IGF1R: variants seen among roughly 807,000 people sequenced by gnomAD.
IGF1R encodes the protein insulin like growth factor 1 receptor.
A neutral mutation model predicts 144.6 loss-of-function variants in IGF1R; 44 were observed. That is an observed-to-expected ratio of 0.30 (90% CI 0.24 to 0.39). The LOEUF (loss-of-function observed/expected upper bound fraction) is 0.39, where lower values mean the gene tolerates loss of function less well. Among genes scored for constraint, IGF1R ranks in the 10% least tolerant of loss-of-function variants. The pLI, the probability that IGF1R is intolerant of heterozygous loss-of-function variation, is 1.00. For synonymous variants in IGF1R, 795 were observed against 722.8 expected (o/e 1.10, Z -1.60); for missense variants, 1,355 against 1,833.7 (o/e 0.74, Z 4.77).
chr15:98,695,728 C>G (rs2053580282), intron 1 of IGF1R, among the ~76,000 whole-genome samples: 1 of 152,216 alleles, frequency 6.6e-6, no homozygotes, highest in Non-Finnish European at 1.5e-5. Flanking sequence ...ATCCTACTGT[C>G]TGTTCTTATA....
chr15:98,845,847 A>G (rs1446333691), intron 2 of IGF1R, among the ~76,000 whole-genome samples: 4 of 152,144 alleles, frequency 2.6e-5, no homozygotes, highest in Non-Finnish European at 4.4e-5. Context: ...TAGTAGATGC[A>G]GTGAATCTTA....
At chr15:98,895,249 C>T (rs868277355) in intron 3 of IGF1R, among the ~76,000 whole-genome samples, 1 of 97,226 alleles carries the variant, frequency 1.0e-5, no homozygotes, top group Non-Finnish European at 2.8e-5. Context: ...CACACACACA[C>T]ACACACACAC....
intron 1 of IGF1R, among the ~76,000 whole-genome samples, chr15:98,650,035 C>T (rs984999407): frequency 1.3e-5 from 2 of 152,076 alleles, no homozygotes; most frequent in African/African-American, 4.8e-5. Flanking sequence ...CACCTCGCCC[C>T]TTCCATGCGC....
chr15:98,814,628 G>A (rs1341877595), intron 2 of IGF1R, among the ~76,000 whole-genome samples: 1 of 152,208 alleles, frequency 6.6e-6, no homozygotes, highest in Non-Finnish European at 1.5e-5. Context: ...GATTACACGT[G>A]TGAGCCACTG....
At position 98,677,058 on chromosome 15, in the gene IGF1R, C is replaced by T. The variant is rs2053065578; in HGVS notation, c.94+27383C>T. ...TCAAGTAATCCTCCACCTCAGCCTC[C>T]TGAGTAGCTGGGACTACTGGTATGC... is the stretch of plus-strand genomic sequence containing the variant. On this transcript the variant is annotated intron_variant, in intron 1 of 20. Transcript: ENST00000650285. Among the ~76,000 whole-genome samples, 3 of 152,158 alleles carry T rather than the reference C, an allele frequency of 2.0e-5. No individual in the cohort carries two copies. In the South Asian group the frequency reaches 6.2e-4, roughly 32 times the overall value.
intron 1 of IGF1R, among the ~76,000 whole-genome samples, chr15:98,684,952 TAAA>T (rs1567074765): frequency 1.4e-4 from 12 of 88,174 alleles, no homozygotes; most frequent in African/African-American, 2.0e-4. Flanking sequence ...TTTTTTTTTT[TAAA>T]TTTTTGAGAT....
chr15:98,918,730 T>C (rs897705661), intron 10 of IGF1R, among the ~76,000 whole-genome samples: 3 of 152,048 alleles, frequency 2.0e-5, no homozygotes, highest in African/African-American at 7.2e-5. Context: ...ATACAAAAAA[T>C]TAGCCAAGCG....
chr15:98,799,482 C>G (rs1265743026), intron 2 of IGF1R, among the ~76,000 whole-genome samples: 1 of 152,090 alleles, frequency 6.6e-6, no homozygotes, highest in African/African-American at 2.4e-5. Flanking sequence ...TTATTTTGCT[C>G]TCAGCTTGCT....
chr15:98,906,690 C>T (rs1370259037), intron 5 of IGF1R, among the ~76,000 whole-genome samples: 1 of 152,240 alleles, frequency 6.6e-6, no homozygotes, highest in Non-Finnish European at 1.5e-5. Flanking sequence ...ATCATTTGGA[C>T]AATGTCTTAT....
At chr15:98,845,584 T>C (rs926155244) in intron 2 of IGF1R, among the ~76,000 whole-genome samples, 15 of 145,996 alleles carry the variant, frequency 1.0e-4, no homozygotes, top group Non-Finnish European at 2.1e-4. Context: ...CTTCTCTCTC[T>C]TCTTTCTCTC....
At position 98,667,318 on chromosome 15, in the gene IGF1R, G is replaced by T. The variant is rs182608787; in HGVS notation, c.94+17643G>T. Among the ~76,000 whole-genome samples, 4 of 152,238 alleles carry T rather than the reference G, an allele frequency of 2.6e-5. No individual in the cohort carries two copies. In the East Asian group the frequency reaches 7.7e-4, roughly 29 times the overall value. On this transcript the variant is annotated intron_variant, in intron 1 of 20. Coordinates refer to ENST00000650285, the MANE Select transcript of IGF1R (RefSeq NM_000875.5). ...CTCACTGATTATGATTATACTGGAAGTTTTTCATTTGTTTTGACAGCTCAA... is the reference window on the plus strand; with the variant it reads ...CTCACTGATTATGATTATACTGGAATTTTTTCATTTGTTTTGACAGCTCAA...
chr15:98,930,139 G>A, intron 14 of IGF1R, 96 bp from the exon 15 acceptor site: 1 of 852,746 alleles, frequency 1.2e-6, no homozygotes, highest in South Asian at 1.4e-5. Context: ...TACCGTGTGA[G>A]AGAGGATAAA....
At chr15:98,825,569 A>G (rs75383224) in intron 2 of IGF1R, among the ~76,000 whole-genome samples, 3,900 of 152,270 alleles carry the variant, frequency 0.026, 168 homozygotes, top group African/African-American at 0.086. Flanking sequence ...CTGAACATGC[A>G]GGGAATCTCA....
At chr15:98,853,976 C>G (rs961208726) in intron 2 of IGF1R, among the ~76,000 whole-genome samples, 4 of 152,230 alleles carry the variant, frequency 2.6e-5, no homozygotes, top group African/African-American at 9.7e-5. Flanking sequence ...CTGTTTTTTT[C>G]TCTTCCAGTT....
At position 98,960,419 on chromosome 15, in the gene IGF1R, T is replaced by C. The variant is rs1386655977; in HGVS notation, c.*2977T>C. On this transcript the variant is annotated 3_prime_UTR_variant, in exon 21 of 21. Transcript: ENST00000650285. ...CCTGGGGGAGCCACCAGGCTGTCCC[T>C]GGCTGGTTGTCTTTGGAACAAACTG... 13 of 233,060 alleles carry C rather than the reference T, an allele frequency of 5.6e-5. No individual in the cohort carries two copies. Among genetic ancestry groups the C allele is most frequent in the Non-Finnish European group, 9.3e-5 (11 of 118,060 alleles). The allele number at this position is 233,060 out of a possible 1,614,324, so 14.4% of individuals were successfully genotyped here.
chr15:98,943,576 C>T (rs902372853), intron 19 of IGF1R, among the ~76,000 whole-genome samples: 1 of 152,238 alleles, frequency 6.6e-6, no homozygotes, highest in Non-Finnish European at 1.5e-5. Context: ...GGAAGCAAAA[C>T]GTCTCCCTTA....
chr15:98,870,691 G>GC (rs765427423), intron 2 of IGF1R, among the ~76,000 whole-genome samples: 23 of 152,226 alleles, frequency 1.5e-4, no homozygotes, highest in Non-Finnish European at 3.4e-4. Flanking sequence ...GGCAGACACA[G>GC]CCGCATCCCA....
chr15:98,849,103 A>G (rs922911698), intron 2 of IGF1R, among the ~76,000 whole-genome samples: 1 of 152,192 alleles, frequency 6.6e-6, no homozygotes, highest in Non-Finnish European at 1.5e-5. Flanking sequence ...CAAACAAAAA[A>G]CTGAACAAGA....
intron 2 of IGF1R, among the ~76,000 whole-genome samples, chr15:98,713,099 G>C (rs1163745889): frequency 6.6e-6 from 1 of 151,768 alleles, no homozygotes; most frequent in Non-Finnish European, 1.5e-5. Flanking sequence ...GTGCTCTCCC[G>C]TGCTGACCAG....
Sources: gnomAD v4.1 joint callset for allele counts (sites outside exome capture counted in the v4.1 genomes callset) on GRCh38, gnomAD v4.1.1 for gene constraint, MANE v1.5 for transcripts, NCBI Gene and HGNC (gene_info 2026-07-23, HGNC 2026-07-21) for gene names.